COMMD10: variants seen among roughly 807,000 people sequenced by gnomAD.
The protein encoded by COMMD10 is COMM domain containing 10, also known as COMM domain-containing protein 10.
A neutral mutation model predicts 28.9 loss-of-function variants in COMMD10; 33 were observed. The ratio of observed to expected loss-of-function variants is 1.14; its 90% CI spans 0.87 to 1.53. The LOEUF is 1.53. Among genes scored for constraint, COMMD10 ranks in the 40% most tolerant of loss-of-function variants. The probability of loss-of-function intolerance (pLI) is 0.00; values close to 1 mark genes in which losing one functional copy is unlikely to be tolerated. For missense variants in COMMD10, 310 were observed against 233.4 expected, an observed-to-expected ratio of 1.33 and a Z score of -2.14; for synonymous variants, 110 against 81.7, an observed-to-expected ratio of 1.35 and a Z score of -1.87.
At chr5:116,119,833 C>G (rs1053819382) in intron 4 of COMMD10, among the ~76,000 whole-genome samples, 24 of 152,126 alleles carry the variant, frequency 1.6e-4, no homozygotes, top group African/African-American at 5.8e-4. Flanking sequence ...CCAGGCTGGT[C>G]TTGAACTCTT....
At chr5:116,250,249 G>A (rs1247030568) in intron 5 of COMMD10, among the ~76,000 whole-genome samples, 1 of 151,714 alleles carries the variant, frequency 6.6e-6, no homozygotes, top group Non-Finnish European at 1.5e-5. Context: ...GAATATTTTT[G>A]AGATTCACTA....
At chr5:116,291,494 T>C (rs370264485) in intron 5 of COMMD10, 23 bp from the exon 6 acceptor site, 15 of 1,556,010 alleles carry the variant, frequency 9.6e-6, no homozygotes, top group African/African-American at 1.4e-5. Context: ...CTACATTCTT[T>C]TTGTTGTTTT....
intron 4 of COMMD10, among the ~76,000 whole-genome samples, chr5:116,115,713 C>T (rs1751210482): frequency 6.6e-6 from 1 of 152,128 alleles, no homozygotes; most frequent in Admixed American, 6.5e-5. Context: ...TACGTGTATT[C>T]CTGCCATACT....
At chr5:116,282,339 G>C (rs1751092735) in intron 5 of COMMD10, among the ~76,000 whole-genome samples, 1 of 151,770 alleles carries the variant, frequency 6.6e-6, no homozygotes, top group African/African-American at 2.4e-5. Flanking sequence ...TGTCTTGCCT[G>C]GACTAATGTA....
intron 5 of COMMD10, among the ~76,000 whole-genome samples, chr5:116,270,543 G>A (rs1028465615): frequency 7.9e-5 from 12 of 151,832 alleles, no homozygotes; most frequent in Non-Finnish European, 2.9e-5. Context: ...TCAGCATTCT[G>A]ATTTCTGAAA....
intron 4 of COMMD10, among the ~76,000 whole-genome samples, chr5:116,109,839 T>C (rs1750983342): frequency 6.6e-6 from 1 of 152,224 alleles, no homozygotes; most frequent in African/African-American, 2.4e-5. Context: ...TAATTTTACT[T>C]TCTCTTTTCC....
chr5:116,108,298 T>C (rs549806652), intron 4 of COMMD10, among the ~76,000 whole-genome samples: 16 of 152,256 alleles, frequency 1.1e-4, no homozygotes, highest in Non-Finnish European at 1.9e-4. Flanking sequence ...CCAGGTGCTC[T>C]GTCCCAGGGA....
intron 4 of COMMD10, among the ~76,000 whole-genome samples, chr5:116,116,182 C>G (rs1751227675): frequency 1.3e-5 from 2 of 151,972 alleles, no homozygotes; most frequent in South Asian, 4.1e-4. Context: ...TTAAAAAAAT[C>G]CCCTTTAAGC....
intron 1 of COMMD10, among the ~76,000 whole-genome samples, chr5:116,086,463 C>CTCT (rs1750100488): frequency 7.4e-6 from 1 of 135,072 alleles, no homozygotes; most frequent in African/African-American, 3.3e-5. Context: ...ATCTCTCTCT[C>CTCT]TTTTTTTTCC....
At chr5:116,130,879 G>A (rs1373052975) in intron 4 of COMMD10, among the ~76,000 whole-genome samples, 2 of 151,910 alleles carry the variant, frequency 1.3e-5, no homozygotes, top group Non-Finnish European at 2.9e-5. Flanking sequence ...GTATAACATT[G>A]TAAATATTTA....
intron 5 of COMMD10, among the ~76,000 whole-genome samples, chr5:116,181,944 C>T (rs1315555485): frequency 6.6e-6 from 1 of 152,036 alleles, no homozygotes; most frequent in Non-Finnish European, 1.5e-5. Context: ...ATAGCTCCTG[C>T]CCCCATGGAG....
At chr5:116,159,475 T>A (rs1580503035) in intron 5 of COMMD10, among the ~76,000 whole-genome samples, 1 of 152,138 alleles carries the variant, frequency 6.6e-6, no homozygotes, top group East Asian at 1.9e-4. Context: ...ACTTGCAGTG[T>A]CCCTCCTGTC....
At position 116,279,898 on chromosome 5, in the gene COMMD10, C is replaced by G. The variant is rs72808914; in HGVS notation, c.511-11619C>G. ...GCTATATTTATCAAAATACCCTCAG[C>G]AAAGCTTTTAAATATTTCTGTATAG... On this transcript the variant is annotated intron_variant, in intron 5 of 6. Coordinates refer to ENST00000274458, the MANE Select transcript of COMMD10 (RefSeq NM_016144.4). 2.9e-3 allele frequency among the ~76,000 whole-genome samples: 442 copies of G among 151,840 alleles called. 5 individuals are homozygous for G. The highest frequency in any genetic ancestry group is 4.0e-3 in the Non-Finnish European group (273 of 67,988).
At chr5:116,288,681 G>A (rs1364576149) in intron 5 of COMMD10, among the ~76,000 whole-genome samples, 2 of 151,446 alleles carry the variant, frequency 1.3e-5, no homozygotes, top group Non-Finnish European at 2.9e-5. Flanking sequence ...TTGTCTGCAA[G>A]TTCACTGATT....
chr5:116,156,113 C>T (rs1752698741), intron 5 of COMMD10, among the ~76,000 whole-genome samples: 1 of 152,038 alleles, frequency 6.6e-6, no homozygotes, highest in African/African-American at 2.4e-5. Flanking sequence ...CCTGGCCTTC[C>T]TGCATTTATG....
chr5:116,208,442 C>T lies in COMMD10; in HGVS notation c.510+74264C>T, dbSNP rs530618950. ...AGCAGACACGACTCCTTGGTATGCA[C>T]TGTGCAGTAATGAACAGTTATTCCC... On this transcript the variant is annotated intron_variant, in intron 5 of 6. Coordinates refer to ENST00000274458, the MANE Select transcript of COMMD10 (RefSeq NM_016144.4). Among the ~76,000 whole-genome samples, 46 of 152,252 alleles carry T rather than the reference C, an allele frequency of 3.0e-4. 1 individual carries two copies. In the South Asian group the frequency reaches 9.1e-3, roughly 30 times the overall value.
At chr5:116,159,828 C>T (rs1231014245) in intron 5 of COMMD10, among the ~76,000 whole-genome samples, 1 of 152,096 alleles carries the variant, frequency 6.6e-6, no homozygotes, top group Admixed American at 6.6e-5. Flanking sequence ...AGAGTATACA[C>T]AATGACTAAA....
chr5:116,177,625 G>T (rs1197053683), intron 5 of COMMD10, among the ~76,000 whole-genome samples: 1 of 151,428 alleles, frequency 6.6e-6, no homozygotes, highest in Non-Finnish European at 1.5e-5. Context: ...GTCATCCTAG[G>T]AACTTTCTGT....
At chr5:116,106,365 C>A (rs1750839605) in intron 4 of COMMD10, among the ~76,000 whole-genome samples, 2 of 152,102 alleles carry the variant, frequency 1.3e-5, no homozygotes. Flanking sequence ...TTAATGATTT[C>A]TGTTCTTTTG....
Sources: allele counts gnomAD v4.1 joint callset (sites outside exome capture counted in the v4.1 genomes callset), GRCh38; gene constraint gnomAD v4.1.1; transcripts MANE v1.5; gene names NCBI Gene and HGNC (gene_info 2026-07-23, HGNC 2026-07-21).